The following ARID5A variants were observed in gnomAD, a reference collection of about 807,000 sequenced individuals.
ARID5A encodes the protein AT-rich interaction domain 5A.
Under a neutral mutation model 30.5 loss-of-function variants are expected in ARID5A, and 14 were observed. That is an observed-to-expected ratio of 0.46 (90% CI 0.30 to 0.72). The LOEUF is 0.72. ARID5A is among the 30% of genes least tolerant of loss of function. The pLI is 0.07. For synonymous variants in ARID5A, 338 were observed against 340.4 expected, an observed-to-expected ratio of 0.99 and a Z score of 0.08; for missense variants, 669 against 786.2, an observed-to-expected ratio of 0.85 and a Z score of 1.78.
At chr2:96,544,027 C>G (rs1461996717) in intron 1 of ARID5A, among the ~76,000 whole-genome samples, 3 of 152,182 alleles carry the variant, frequency 2.0e-5, no homozygotes, top group African/African-American at 7.2e-5. Context: ...ATCCAACAAG[C>G]CATAACATTC....
Position 96,549,311 on chromosome 2 carries a change from C to T in ARID5A, c.121-10C>T. 6.2e-7 allele frequency: 1 copy of T among 1,610,798 alleles called. No individual in the cohort carries two copies. The highest frequency in any genetic ancestry group is 8.5e-7 in the Non-Finnish European group (1 of 1,178,944). On this transcript the variant is annotated splice_polypyrimidine_tract_variant and intron_variant, in intron 2 of 6. Transcript: ENST00000357485. The surrounding 1 kb of genome is among the most constrained non-coding windows in gnomAD (Gnocchi z 6.1). ...GGGGCCCATCCCAATGCCTCCTGTTCTCTCCCCAGGACTCCCCCGAGGCAG... is the reference window on the plus strand; with the variant it reads ...GGGGCCCATCCCAATGCCTCCTGTTTTCTCCCCAGGACTCCCCCGAGGCAG...
Position 96,536,843 on chromosome 2 carries a change from G to A in ARID5A, c.4+13G>A, listed in dbSNP as rs1055388944. Reference sequence around the variant, plus strand: ...CTCCGGGCCATGGGTAAGCGGCTCTGCGGCGCGGCCCGGACAGGGGCTCGG... The same window carrying A: ...CTCCGGGCCATGGGTAAGCGGCTCTACGGCGCGGCCCGGACAGGGGCTCGG... On this transcript the variant is annotated intron_variant, in intron 1 of 6. Coordinates refer to ENST00000357485, the MANE Select transcript of ARID5A (RefSeq NM_212481.3). The A allele has an allele frequency of 8.2e-7, 1 of 1,226,744 alleles. No individual in the cohort carries two copies. Among genetic ancestry groups the A allele is most frequent in the Non-Finnish European group, 1.0e-6 (1 of 984,610 alleles). 76.0% of individuals were successfully genotyped at this position (1,226,744 alleles called of 1,614,324 possible). A position where few individuals can be genotyped will look rare whatever the true frequency, so the allele number is the denominator to read the frequency against.
chr2:96,545,156 C>CTTTTTTTTTTTTTTTTTT (rs35156624), intron 1 of ARID5A, among the ~76,000 whole-genome samples: 13 of 116,332 alleles, frequency 1.1e-4, no homozygotes, highest in African/African-American at 1.6e-4. Context: ...TTTTCTTTTT[C>CTTTTTTTTTTTTTTTTTT]TTTTTTTTTT....
rs377324263 is a variant in ARID5A at position 96,547,858 on chromosome 2, G to GT, written c.120+344dup. Among the ~76,000 whole-genome samples the GT allele has an allele frequency of 3.1e-4, 47 of 152,354 alleles. 1 individual carries two copies. Among genetic ancestry groups the GT allele is most frequent in the African/African-American group, 1.1e-3 (47 of 41,572 alleles). On this transcript the variant is annotated intron_variant, in intron 2 of 6. Transcript: ENST00000357485. ...GTCACTCGGTGAGACCAGCAAGACT[G>GT]TTTCGATGAGCACAGAATCTGAAGG...
In ARID5A at chr2:96,547,510, C is replaced by A; in HGVS notation, c.113C>A (p.Ser38Ter). 6.2e-7 allele frequency: 1 copy of A among 1,613,916 alleles called. No homozygotes were observed. Among genetic ancestry groups the A allele is most frequent in the Non-Finnish European group, 8.5e-7 (1 of 1,179,932 alleles). ...CAGAACGGAATCCAGAACCCCATCT[C>A]GCTGGAGGTGAGTTGACTCCCTCTG... ...GKQNGIQNPI[S>*]LEDSPEAGGE... Residue 38 changes from serine to a stop codon, truncating the protein, a stop_gained, in exon 2 of 7, where the codon TCG (serine) becomes TAG (stop). Coordinates refer to ENST00000357485, the MANE Select transcript of ARID5A (RefSeq NM_212481.3). LOFTEE classifies it high-confidence loss of function.
rs368845288 is a variant in ARID5A, at chr2:96,549,726, C to T, written c.260-27C>T. On this transcript the variant is annotated intron_variant, in intron 3 of 6. Transcript: ENST00000357485. This position sits in a 1 kb window ranked among gnomAD's most constrained non-coding sequence, Gnocchi z 6.1. ...TGTCCCCACCTCCCACAGAGACTGA[C>T]GGCCAGCCTGCTCTTCTCTCCCCCA... is the stretch of plus-strand genomic sequence containing the variant. 4.2e-5 allele frequency: 67 copies of T among 1,613,794 alleles called. No individual in the cohort carries two copies. Among genetic ancestry groups the T allele is most frequent in the African/African-American group, 8.0e-5 (6 of 74,908 alleles).
intron 1 of ARID5A, among the ~76,000 whole-genome samples, chr2:96,543,750 A>G (rs1370604240): frequency 1.3e-5 from 2 of 152,162 alleles, no homozygotes; most frequent in Non-Finnish European, 2.9e-5. Flanking sequence ...CAGTCCTACA[A>G]TGGTCTTTAA....
intron 1 of ARID5A, chr2:96,538,196 G>A: frequency 1.0e-6 from 1 of 985,478 alleles, no homozygotes; most frequent in Non-Finnish European, 1.2e-6. Flanking sequence ...CCCCGTAGGT[G>A]AAATGGGAAC....
chr2:96,547,555 T>C, intron 2 of ARID5A, 38 bp downstream of exon 2: 5 of 1,586,458 alleles, frequency 3.2e-6, no homozygotes, highest in Non-Finnish European at 4.3e-6. Context: ...TGGGCACTCT[T>C]CCCTGCCACC....
chr2:96,536,773 G>A lies in ARID5A; in HGVS notation c.-54G>A, dbSNP rs2065739237. 4.1e-6 allele frequency: 5 copies of A among 1,216,202 alleles called. No homozygotes were observed. Among genetic ancestry groups the A allele is most frequent in the Admixed American group, 4.3e-5 (1 of 23,078 alleles). The allele number at this position is 1,216,202 out of a possible 1,614,324, so 75.3% of individuals were successfully genotyped here. Reference sequence around the variant, plus strand: ...CAGTATCTCAGAGAGCGCGGGGTCCGGACAGCCGCGCGCTGAGGGTCTCGG... The same window carrying A: ...CAGTATCTCAGAGAGCGCGGGGTCCAGACAGCCGCGCGCTGAGGGTCTCGG... On this transcript the variant is annotated 5_prime_UTR_variant, in exon 1 of 7. Transcript: ENST00000357485.
chr2:96,551,819 C>G lies in ARID5A; in HGVS notation c.1291C>G (p.Leu431Val). 6.3e-7 allele frequency: 1 copy of G among 1,595,694 alleles called. No individual in the cohort carries two copies. Among genetic ancestry groups the G allele is most frequent in the Non-Finnish European group, 8.5e-7 (1 of 1,172,128 alleles). ...MAKVPAESPT[L>V]PPTFPSSPGL... Reference sequence around the variant, plus strand: ...CAAGGTCCCAGCCGAGAGCCCCACGCTCCCGCCCACCTTCCCCAGTAGCCC... The same window carrying G: ...CAAGGTCCCAGCCGAGAGCCCCACGGTCCCGCCCACCTTCCCCAGTAGCCC... The change falls in exon 7 of 7, where the codon CTC becomes GTC. Residue 431 changes from leucine to valine, a missense_variant. By Grantham distance (32) the Leu-to-Val change is conservative. Transcript: ENST00000357485.
chr2:96,541,584 G>A (rs2579506), intron 1 of ARID5A, among the ~76,000 whole-genome samples: 65,550 of 151,880 alleles, frequency 0.43, 15,225 homozygotes, highest in African/African-American at 0.61. Flanking sequence ...ACTCACTGGG[G>A]CCCCCAACCA....
Position 96,550,365 on chromosome 2 carries a change from A to G in ARID5A, c.410+80A>G, listed in dbSNP as rs2066010621. 1.4e-6 allele frequency: 2 copies of G among 1,424,330 alleles called. No individual in the cohort carries two copies. The highest frequency in any genetic ancestry group is 3.0e-5 in the South Asian group (2 of 66,292). 88.2% of individuals were successfully genotyped at this position (1,424,330 alleles called of 1,614,324 possible). On this transcript the variant is annotated intron_variant, in intron 5 of 6. Transcript: ENST00000357485. This position sits in a 1 kb window ranked among gnomAD's most constrained non-coding sequence, Gnocchi z 6.6. ...CGACCTTGCCGGGAGGGCCGGGTGG[A>G]CTCTGCCCGGAGCGGGCAGGGTATG...
In ARID5A at chr2:96,550,134, A is replaced by AC; in HGVS notation, c.313-50dup. Reference sequence around the variant, plus strand: ...TGCGAGGGCGGCCGGAGCTGCAAGGACCCCGCCGCCAGGGGGCGCCCGCCG... The same window carrying AC: ...TGCGAGGGCGGCCGGAGCTGCAAGGACCCCCGCCGCCAGGGGGCGCCCGCCG... On this transcript the variant is annotated intron_variant, in intron 4 of 6. Coordinates refer to ENST00000357485, the MANE Select transcript of ARID5A (RefSeq NM_212481.3). This position sits in a 1 kb window ranked among gnomAD's most constrained non-coding sequence, Gnocchi z 6.6. 6.5e-7 allele frequency: 1 copy of AC among 1,528,920 alleles called. No homozygotes were observed. Among genetic ancestry groups the AC allele is most frequent in the Non-Finnish European group, 8.8e-7 (1 of 1,141,914 alleles). The allele number at this position is 1,528,920 out of a possible 1,614,324, so 94.7% of individuals were successfully genotyped here.
At chr2:96,544,400 G>A (rs973593648) in intron 1 of ARID5A, among the ~76,000 whole-genome samples, 4 of 152,218 alleles carry the variant, frequency 2.6e-5, no homozygotes, top group African/African-American at 9.7e-5. Flanking sequence ...CTTGTTAGGG[G>A]CTAATGCAGC....
chr2:96,548,833 C>T (rs768294338), intron 2 of ARID5A, among the ~76,000 whole-genome samples: 6 of 152,212 alleles, frequency 3.9e-5, no homozygotes, highest in Non-Finnish European at 8.8e-5. Context: ...CACAGAGGCT[C>T]GGGGAACATG....
intron 2 of ARID5A, 53 bp downstream of exon 2, chr2:96,547,570 C>T: frequency 6.5e-7 from 1 of 1,545,024 alleles, no homozygotes; most frequent in Non-Finnish European, 8.9e-7. Context: ...GCCACCCTCA[C>T]CTGTGCTCCG....
In ARID5A at chr2:96,549,027, C is replaced by A. The variant is rs1256745117; in HGVS notation, c.121-294C>A. On this transcript the variant is annotated intron_variant, in intron 2 of 6. Transcript: ENST00000357485. The surrounding 1 kb of genome is among the most constrained non-coding windows in gnomAD (Gnocchi z 6.1). ...AACAAGACAGAGAAGTGACCCTGGC[C>A]TGGAGAAGGCTGGGGACTGCTCTCG... is the stretch of plus-strand genomic sequence containing the variant. Among the ~76,000 whole-genome samples the A allele has an allele frequency of 6.6e-6, 1 of 152,180 alleles. No individual in the cohort carries two copies. The highest frequency in any genetic ancestry group is 2.4e-5 in the African/African-American group (1 of 41,442).
chr2:96,539,702 G>C lies in ARID5A; in HGVS notation c.4+2872G>C, dbSNP rs1352678863. Among the ~76,000 whole-genome samples, 1 of 152,106 alleles carries C rather than the reference G, an allele frequency of 6.6e-6. No homozygotes were observed. The highest frequency in any genetic ancestry group is 1.5e-5 in the Non-Finnish European group (1 of 68,034). On this transcript the variant is annotated intron_variant, in intron 1 of 6. Coordinates refer to ENST00000357485, the MANE Select transcript of ARID5A (RefSeq NM_212481.3). The surrounding 1 kb of genome is among the most constrained non-coding windows in gnomAD (Gnocchi z 4.7). The stretch of plus-strand genomic sequence containing the variant: ...AGGGAAGTTGATTCATAGAGTGTGG[G>C]GGCCATGCCCCTTCCCGGCCCTCCC...
Sources: allele counts gnomAD v4.1 joint callset (sites outside exome capture counted in the v4.1 genomes callset), GRCh38; gene constraint gnomAD v4.1.1; non-coding constraint Gnocchi (gnomAD v3.1); transcripts MANE v1.5; gene names NCBI Gene and HGNC (gene_info 2026-07-23, HGNC 2026-07-21).